Variants in RAPGEF1 observed in about 807,000 individuals in gnomAD.
The protein encoded by RAPGEF1 is Rap guanine nucleotide exchange factor 1.
A neutral mutation model predicts 143.3 loss-of-function variants in RAPGEF1; 33 were observed. The observed-to-expected ratio is 0.23, with a 90% CI of 0.17 to 0.31. The LOEUF is 0.31. Ranked by LOEUF, RAPGEF1 falls within the 10% of genes least tolerant of loss-of-function variation. RAPGEF1 has a pLI of 1.00. For synonymous variants in RAPGEF1, 629 were observed against 676.5 expected, an observed-to-expected ratio of 0.93 and a Z score of 1.09; for missense variants, 1,199 against 1,645.4, an observed-to-expected ratio of 0.73 and a Z score of 4.69.
chr9:131,626,435 CAG>C lies in RAPGEF1; in HGVS notation c.1202-15_1202-14del. On this transcript the variant is annotated splice_polypyrimidine_tract_variant and intron_variant, in intron 9 of 26. Transcript: ENST00000683357. ...GGATCATAGTGGTCTGCAGTTACAA[CAG>C]GGGAAAAAGAGACCCGTTAGCCACA... 1 of 1,556,422 alleles carries C rather than the reference CAG, an allele frequency of 6.4e-7. No homozygotes were observed. Among genetic ancestry groups the C allele is most frequent in the Non-Finnish European group, 8.7e-7 (1 of 1,148,734 alleles).
intron 1 of RAPGEF1, among the ~76,000 whole-genome samples, chr9:131,700,538 G>C (rs1834553416): frequency 1.3e-5 from 2 of 152,200 alleles, no homozygotes; most frequent in South Asian, 2.1e-4. Context: ...TGGAACAGTG[G>C]AGACACAGGA....
chr9:131,731,009 G>A (rs1431075939), intron 1 of RAPGEF1, among the ~76,000 whole-genome samples: 2 of 152,164 alleles, frequency 1.3e-5, no homozygotes, highest in African/African-American at 4.8e-5. Flanking sequence ...ACAGCCAAGA[G>A]AATAATATCA....
chr9:131,608,961 G>A lies in RAPGEF1; in HGVS notation c.2062-3773C>T, dbSNP rs1158789431. 3.3e-5 allele frequency among the ~76,000 whole-genome samples: 5 copies of A among 152,220 alleles called. No individual in the cohort carries two copies. In the East Asian group the frequency reaches 9.6e-4, roughly 29 times the overall value. ...GAGTTTATTTTAGGATCTGGCTCGT[G>A]CCCGGGTTTGCTTCTGACGAGCTGC... On this transcript the variant is annotated intron_variant, in intron 12 of 26. Coordinates refer to ENST00000683357, the MANE Select transcript of RAPGEF1 (RefSeq NM_001377935.1).
intron 9 of RAPGEF1, among the ~76,000 whole-genome samples, 192 bp downstream of exon 9, chr9:131,627,721 T>G (rs1408639842): frequency 1.3e-5 from 2 of 152,192 alleles, no homozygotes; most frequent in Non-Finnish European, 2.9e-5. Flanking sequence ...TTCATTTACA[T>G]GCTCAACTTC....
chr9:131,628,812 C>A lies in RAPGEF1; in HGVS notation c.894-140G>T. 4 of 1,173,878 alleles carry A rather than the reference C, an allele frequency of 3.4e-6. No homozygotes were observed. Among genetic ancestry groups the A allele is most frequent in the Non-Finnish European group, 4.7e-6 (4 of 843,042 alleles). The allele number at this position is 1,173,878 out of a possible 1,614,324, so 72.7% of individuals were successfully genotyped here. A position where few individuals can be genotyped will look rare whatever the true frequency, so the allele number is the denominator to read the frequency against. On this transcript the variant is annotated intron_variant, in intron 7 of 26. Coordinates refer to ENST00000683357, the MANE Select transcript of RAPGEF1 (RefSeq NM_001377935.1). This position sits in a 1 kb window ranked among gnomAD's most constrained non-coding sequence, Gnocchi z 5.7. Reference sequence around the variant, plus strand: ...GTTCACACTTCAACTCCTGCCTACTCCCCTCCGCCAAAATAAAACCTGTAA... The same window carrying A: ...GTTCACACTTCAACTCCTGCCTACTACCCTCCGCCAAAATAAAACCTGTAA...
intron 1 of RAPGEF1, among the ~76,000 whole-genome samples, chr9:131,685,206 G>A (rs529620106): frequency 6.6e-6 from 1 of 152,320 alleles, no homozygotes; most frequent in South Asian, 2.1e-4. Flanking sequence ...TCTTTGTACA[G>A]TCTGCAGATG....
At chr9:131,662,554 T>G (rs1383729501) in intron 1 of RAPGEF1, among the ~76,000 whole-genome samples, 241 of 151,128 alleles carry the variant, frequency 1.6e-3, no homozygotes, top group African/African-American at 5.2e-3. Context: ...TTATTTTGTT[T>G]TTTTTTTTTT....
chr9:131,621,823 G>A lies in RAPGEF1; in HGVS notation c.1878C>T (p.Pro626=), dbSNP rs376232431. ...GCTGCCGCTGCTTGGGGGGTAGGGC[G>A]GGCGGCGGGGCCAGCTCCTGCACGG... ...VDSVQELAPP[P]ALPPKQRQLA... Residue 626 remains proline, a synonymous_variant, in exon 11 of 27, where the codon CCC becomes CCT. Transcript: ENST00000683357. The surrounding 1 kb of genome is among the most constrained non-coding windows in gnomAD (Gnocchi z 4.5). 8.6e-5 allele frequency: 138 copies of A among 1,608,956 alleles called. No individual in the cohort carries two copies. The highest frequency in any genetic ancestry group is 1.1e-4 in the Non-Finnish European group (129 of 1,177,960).
chr9:131,694,074 A>C (rs1162938809), intron 1 of RAPGEF1, among the ~76,000 whole-genome samples: 1 of 152,048 alleles, frequency 6.6e-6, no homozygotes, highest in Non-Finnish European at 1.5e-5. Context: ...CCTCTGCCTC[A>C]GGTCTCTGCC....
At chr9:131,635,661 G>A (rs1453078891) in intron 5 of RAPGEF1, among the ~76,000 whole-genome samples, 1 of 152,144 alleles carries the variant, frequency 6.6e-6, no homozygotes, top group Non-Finnish European at 1.5e-5. Context: ...AAGCCAGCTA[G>A]CTTGGAGGTG....
At chr9:131,730,596 G>A (rs970626711) in intron 1 of RAPGEF1, among the ~76,000 whole-genome samples, 1 of 148,704 alleles carries the variant, frequency 6.7e-6, no homozygotes, top group African/African-American at 2.5e-5. Context: ...TTGGGAGGCT[G>A]AGGCAGAAGA....
intron 1 of RAPGEF1, among the ~76,000 whole-genome samples, chr9:131,653,145 T>C (rs1463232471): frequency 6.6e-6 from 1 of 152,236 alleles, no homozygotes; most frequent in Non-Finnish European, 1.5e-5. Context: ...CAGGATCCTC[T>C]GCGGGGATCA....
At chr9:131,596,442 A>T in intron 16 of RAPGEF1, 69 bp from the exon 17 acceptor site, 1 of 1,498,184 alleles carries the variant, frequency 6.7e-7, no homozygotes, top group Non-Finnish European at 9.3e-7. Flanking sequence ...TTAGGAAGAA[A>T]CAGGCAGGAA....
At chr9:131,631,780 TAGA>T (rs1196818959) in intron 5 of RAPGEF1, among the ~76,000 whole-genome samples, 4 of 152,088 alleles carry the variant, frequency 2.6e-5, no homozygotes, top group Admixed American at 6.6e-5. Context: ...ACAAAAAAAC[TAGA>T]AGGTGAACAC....
chr9:131,617,374 C>G (rs566138776), intron 12 of RAPGEF1, among the ~76,000 whole-genome samples: 2 of 152,194 alleles, frequency 1.3e-5, no homozygotes, highest in Non-Finnish European at 2.9e-5. Context: ...GGCTCTAAGG[C>G]GTGAGGCCTC....
At chr9:131,599,805 G>C (rs1190254770) in intron 15 of RAPGEF1, among the ~76,000 whole-genome samples, 1 of 152,092 alleles carries the variant, frequency 6.6e-6, no homozygotes, top group African/African-American at 2.4e-5. Flanking sequence ...TTTAACCCCA[G>C]GTATCTGAGA....
At chr9:131,663,769 T>A (rs1829981145) in intron 1 of RAPGEF1, among the ~76,000 whole-genome samples, 1 of 152,218 alleles carries the variant, frequency 6.6e-6, no homozygotes, top group East Asian at 1.9e-4. Context: ...TAAGGTGGTA[T>A]CTGCCAAATT....
chr9:131,627,213 CAAAAAAAAAAAAAAAAA>C (rs10690802), intron 9 of RAPGEF1, among the ~76,000 whole-genome samples: 1 of 97,404 alleles, frequency 1.0e-5, no homozygotes, highest in Non-Finnish European at 1.9e-5. Context: ...GGCTCTGTCT[CAAAAAAAAAAAAAAAAA>C]AAAAAAAAAA....
chr9:131,622,902 G>A (rs1961631477), intron 10 of RAPGEF1, among the ~76,000 whole-genome samples: 1 of 151,904 alleles, frequency 6.6e-6, no homozygotes. Flanking sequence ...TGAGTAGCTG[G>A]GATTATAGGC....
Sources: gnomAD v4.1 joint callset for allele counts (sites outside exome capture counted in the v4.1 genomes callset) on GRCh38, gnomAD v4.1.1 for gene constraint, Gnocchi (gnomAD v3.1) non-coding constraint, MANE v1.5 for transcripts, NCBI Gene and HGNC (gene_info 2026-07-23, HGNC 2026-07-21) for gene names.